RCC1L: variants seen among roughly 807,000 people sequenced by gnomAD.
RCC1L encodes RCC1 like.
A neutral mutation model predicts 58.6 loss-of-function variants in RCC1L; 46 were observed. That is an observed-to-expected ratio of 0.79 (90% CI 0.62 to 1.00). RCC1L has a LOEUF of 1.00. RCC1L is among the 50% of genes least tolerant of loss of function. RCC1L has a pLI of 0.00. For missense variants in RCC1L, 636 were observed against 623.6 expected, an observed-to-expected ratio of 1.02 and a Z score of -0.21; for synonymous variants, 281 against 262.9, an observed-to-expected ratio of 1.07 and a Z score of -0.67.
chr7:75,032,739 G>A (rs1228713735), intron 10 of RCC1L, among the ~76,000 whole-genome samples: 2 of 152,182 alleles, frequency 1.3e-5, no homozygotes, highest in Non-Finnish European at 2.9e-5. Flanking sequence ...TTTATGCCTG[G>A]GGTCTGAAGA....
intron 8 of RCC1L, chr7:75,056,756 G>A (rs992825309): frequency 6.6e-7 from 1 of 1,525,954 alleles, no homozygotes; most frequent in Non-Finnish European, 8.8e-7. Context: ...TTCGCTTTTT[G>A]TTAAGAACTT....
downstream of RCC1L, chr7:75,042,036 G>A (rs1406105493): frequency 1.6e-5 from 7 of 430,918 alleles, no homozygotes; most frequent in Non-Finnish European, 2.2e-5. Context: ...AACATAGCAA[G>A]ACCTTGTCTC....
At chr7:75,072,239 CTGGTCTCAAACTCT>C in intron 1 of RCC1L, among the ~76,000 whole-genome samples, 1 of 136,008 alleles carries the variant, frequency 7.4e-6, no homozygotes, top group South Asian at 2.4e-4. Context: ...GTTACCCAGG[CTGGTCTCAAACTCT>C]TGAACTCAAA....
exon 11 of RCC1L, chr7:75,027,709 G>A (rs1444617141): frequency 5.1e-6 from 2 of 388,602 alleles, no homozygotes; most frequent in Non-Finnish European, 9.6e-6. Context: ...TGCCCCCTGG[G>A]GACCCTGCTC....
At chr7:75,061,148 AGCTCCACATGACACGGG>A (rs1806265336) in intron 6 of RCC1L, 42 bp downstream of exon 6, 1 of 1,409,044 alleles carries the variant, frequency 7.1e-7, no homozygotes, top group African/African-American at 1.4e-5. Flanking sequence ...TACAGCTCAC[AGCTCCACATGACACGGG>A]CTGAGAAGTT....
At chr7:75,029,587 G>A (rs1805242424) in intron 10 of RCC1L, among the ~76,000 whole-genome samples, 1 of 151,868 alleles carries the variant, frequency 6.6e-6, no homozygotes, top group African/African-American at 2.4e-5. Flanking sequence ...CAGGTGATCC[G>A]CCCACCTTGG....
At chr7:75,072,097 A>C (rs1554446201) in intron 1 of RCC1L, among the ~76,000 whole-genome samples, 2 of 143,002 alleles carry the variant, frequency 1.4e-5, no homozygotes, top group African/African-American at 2.5e-5. Context: ...TCAAAAAAAA[A>C]AAACAAACCT....
At chr7:75,027,891 C>T in exon 11 of RCC1L, 1 of 957,612 alleles carries the variant, frequency 1.0e-6, no homozygotes, top group Non-Finnish European at 1.6e-6. Context: ...CCCTTGTCCC[C>T]CAGCTATCTC....
intron 10 of RCC1L, among the ~76,000 whole-genome samples, chr7:75,031,853 T>C (rs1345301799): frequency 6.6e-6 from 1 of 152,152 alleles, no homozygotes; most frequent in Non-Finnish European, 1.5e-5. Flanking sequence ...TGAAATCAGC[T>C]AAGGACTGAA....
intron 6 of RCC1L, 97 bp downstream of exon 6, chr7:75,061,110 G>A: frequency 1.0e-6 from 1 of 986,878 alleles, no homozygotes; most frequent in Non-Finnish European, 1.6e-6. Context: ...CTGAATTAAG[G>A]AAGAAGGGTT....
chr7:75,065,436 T>C (rs1239877585), intron 3 of RCC1L, among the ~76,000 whole-genome samples: 1 of 151,978 alleles, frequency 6.6e-6, no homozygotes, highest in Non-Finnish European at 1.5e-5. Flanking sequence ...GTGCCTGTAG[T>C]CCCAGCTACT....
chr7:75,046,906 A>C (rs1262612382), intron 10 of RCC1L, among the ~76,000 whole-genome samples: 1 of 151,964 alleles, frequency 6.6e-6, no homozygotes, highest in East Asian at 1.9e-4. Context: ...GAGCCAGAGA[A>C]AGGGAGACTA....
chr7:75,044,795 G>A (rs1212373958), intron 10 of RCC1L, among the ~76,000 whole-genome samples: 1 of 151,846 alleles, frequency 6.6e-6, no homozygotes, highest in African/African-American at 2.4e-5. Context: ...CCAGCACTTT[G>A]GGAGGCCGCG....
chr7:75,041,907 G>A (rs1805579491), downstream of RCC1L, among the ~76,000 whole-genome samples: 1 of 150,730 alleles, frequency 6.6e-6, no homozygotes, highest in Non-Finnish European at 1.5e-5. Context: ...AATATTTGTC[G>A]AGTAGGACTG....
At chr7:75,058,501 G>T in intron 7 of RCC1L, 87 bp downstream of exon 7, 2 of 1,514,660 alleles carry the variant, frequency 1.3e-6, no homozygotes, top group Non-Finnish European at 1.8e-6. Flanking sequence ...AAAGTGCTGG[G>T]ATTACAGGTG....
chr7:75,052,753 G>T lies in RCC1L; in HGVS notation c.1275C>A (p.Cys425Ter), dbSNP rs1487274005. 6.2e-7 allele frequency: 1 copy of T among 1,613,396 alleles called. No individual in the cohort carries two copies. Among genetic ancestry groups the T allele is most frequent in the East Asian group, 2.2e-5 (1 of 44,828 alleles). ...GGTCCTCCAGGCGACCGATTCCCAG[G>T]CACCCTCGGATGTTCTTGCCCCATA... ...LFVWGKNIRGCLGIGRLEDQY... is the reference protein window; with the variant it reads ...LFVWGKNIRG The change falls in exon 10 of 11, where the codon TGC becomes TGA. Residue 425 changes from cysteine to a stop codon, truncating the protein, a stop_gained. Coordinates refer to ENST00000610322, the MANE Select transcript of RCC1L (RefSeq NM_030798.5). LOFTEE classifies it high-confidence loss of function.
At chr7:75,063,729 G>A (rs1806355916) in intron 4 of RCC1L, among the ~76,000 whole-genome samples, 1 of 152,014 alleles carries the variant, frequency 6.6e-6, no homozygotes. Context: ...AACCAGCCTG[G>A]CCAACATGAA....
intron 8 of RCC1L, chr7:75,056,628 G>A (rs1184777867): frequency 4.6e-6 from 7 of 1,535,180 alleles, no homozygotes; most frequent in African/African-American, 1.4e-5. Flanking sequence ...AGGCAGAGCT[G>A]GAGTCTCTCT....
chr7:75,070,711 A>G lies in RCC1L; in HGVS notation c.383T>C (p.Val128Ala). Reference protein sequence around the residue: ...FTLLSSKTADVTKVWGMGLNK... With the variant: ...FTLLSSKTADATKVWGMGLNK... ...GAGTCCCATCCCCCAGACTTTCGTA[A>G]CATCCGCAGTCTTAGAGGACAGCAG... Residue 128 changes from valine to alanine, a missense_variant, in exon 2 of 11, where the codon GTT becomes GCT. Coordinates refer to ENST00000610322, the MANE Select transcript of RCC1L (RefSeq NM_030798.5). The G allele has an allele frequency of 2.5e-6, 4 of 1,614,170 alleles. No homozygotes were observed. Among genetic ancestry groups the G allele is most frequent in the Non-Finnish European group, 3.4e-6 (4 of 1,180,034 alleles).
Sources: gnomAD v4.1 joint callset for allele counts (sites outside exome capture counted in the v4.1 genomes callset) on GRCh38, gnomAD v4.1.1 for gene constraint, MANE v1.5 for transcripts, NCBI Gene and HGNC (gene_info 2026-07-23, HGNC 2026-07-21) for gene names.